The following ARHGAP32 variants were observed in gnomAD, a reference collection of about 807,000 sequenced individuals.
ARHGAP32 encodes rho GTPase-activating protein 32.
In ARHGAP32, 51 loss-of-function variants were observed where a neutral mutation model predicts 186.5. That is an observed-to-expected ratio of 0.27 (90% CI 0.22 to 0.35). The LOEUF (loss-of-function observed/expected upper bound fraction) is 0.35. ARHGAP32 is among the 10% of genes least tolerant of loss of function. The pLI is 1.00. For synonymous variants in ARHGAP32, 950 were observed against 964.3 expected, an observed-to-expected ratio of 0.99 and a Z score of 0.27; for missense variants, 2,186 against 2,623.5, an observed-to-expected ratio of 0.83 and a Z score of 3.64.
At chr11:129,099,419 G>C (rs1941827265) in intron 5 of ARHGAP32, among the ~76,000 whole-genome samples, 1 of 152,156 alleles carries the variant, frequency 6.6e-6, no homozygotes, top group African/African-American at 2.4e-5. Flanking sequence ...GATAGCTTGG[G>C]TGTATGGTAG....
intron 6 of ARHGAP32, among the ~76,000 whole-genome samples, chr11:129,087,794 G>T (rs1013966318): frequency 6.6e-6 from 1 of 152,198 alleles, no homozygotes; most frequent in Non-Finnish European, 1.5e-5. Context: ...TACCACTGTG[G>T]TGTGGGATGT....
At chr11:129,202,003 T>C (rs1236260332) in intron 1 of ARHGAP32, among the ~76,000 whole-genome samples, 1 of 152,032 alleles carries the variant, frequency 6.6e-6, no homozygotes, top group East Asian at 1.9e-4. Flanking sequence ...TCTGTCTGTC[T>C]GTGTCTCTAT....
chr11:128,989,874 T>C (rs1945997589), intron 12 of ARHGAP32, among the ~76,000 whole-genome samples: 1 of 152,150 alleles, frequency 6.6e-6, no homozygotes, highest in African/African-American at 2.4e-5. Flanking sequence ...TCCATGTCCC[T>C]GCAAAGGACA....
intron 1 of ARHGAP32, among the ~76,000 whole-genome samples, chr11:129,275,866 C>G (rs1945523726): frequency 6.6e-6 from 1 of 152,258 alleles, no homozygotes; most frequent in African/African-American, 2.4e-5. Context: ...CTGCAGGCTA[C>G]AGTTTGCCCA....
At chr11:129,270,746 C>T (rs1230644742) in intron 1 of ARHGAP32, among the ~76,000 whole-genome samples, 1 of 151,298 alleles carries the variant, frequency 6.6e-6, no homozygotes, top group African/African-American at 2.4e-5. Context: ...AAAAAAGGAA[C>T]ATCACTGAGA....
At chr11:128,984,657 A>G (rs1784017) in intron 15 of ARHGAP32, among the ~76,000 whole-genome samples, 16,953 of 152,210 alleles carry the variant, frequency 0.11, 1,216 homozygotes, top group Non-Finnish European at 0.15. Context: ...GGAGATATAC[A>G]TGTACATATT....
intron 13 of ARHGAP32, 82 bp from the exon 14 acceptor site, chr11:128,986,750 C>T (rs1945883774): frequency 4.4e-6 from 6 of 1,367,844 alleles, no homozygotes; most frequent in Admixed American, 3.9e-5. Context: ...GCATAAGCTC[C>T]AAAAGTGTTC....
At chr11:129,251,107 A>G (rs1463081036) in intron 1 of ARHGAP32, among the ~76,000 whole-genome samples, 1 of 152,224 alleles carries the variant, frequency 6.6e-6, no homozygotes, top group Non-Finnish European at 1.5e-5. Context: ...ACAATAGACA[A>G]GAAAGTAAAC....
At chr11:129,009,431 C>T (rs1027133811) in intron 11 of ARHGAP32, among the ~76,000 whole-genome samples, 4 of 152,120 alleles carry the variant, frequency 2.6e-5, no homozygotes, top group African/African-American at 9.7e-5. Flanking sequence ...ACAGATCATC[C>T]AATCACCTAG....
chr11:129,076,950 G>A (rs1941060721), intron 6 of ARHGAP32, among the ~76,000 whole-genome samples: 1 of 152,218 alleles, frequency 6.6e-6, no homozygotes, highest in African/African-American at 2.4e-5. Context: ...AGTGTGAAAG[G>A]GGGAAAGTCT....
At chr11:129,045,770 A>C (rs1030230113) in intron 10 of ARHGAP32, among the ~76,000 whole-genome samples, 2 of 152,206 alleles carry the variant, frequency 1.3e-5, no homozygotes, top group African/African-American at 4.8e-5. Flanking sequence ...AAGGGAGAGC[A>C]GAATTGGGTA....
chr11:128,971,636 A>G (rs1057450372), intron 22 of ARHGAP32: 1 of 154,992 alleles, frequency 6.5e-6, no homozygotes, highest in African/African-American at 2.4e-5. Flanking sequence ...GAAAGGCAAT[A>G]TTCAAATCAG....
intron 10 of ARHGAP32, among the ~76,000 whole-genome samples, chr11:129,046,319 T>C (rs1939803724): frequency 6.8e-6 from 1 of 147,790 alleles, no homozygotes; most frequent in Admixed American, 6.6e-5. Context: ...TTTAATACAA[T>C]TCATTTCATT....
chr11:129,096,521 C>G (rs911354651), intron 5 of ARHGAP32, among the ~76,000 whole-genome samples: 7 of 152,108 alleles, frequency 4.6e-5, no homozygotes, highest in Non-Finnish European at 7.4e-5. Flanking sequence ...CTCCCTATAC[C>G]CCCCCGGCCC....
intron 1 of ARHGAP32, among the ~76,000 whole-genome samples, chr11:129,256,469 T>C (rs763642033): frequency 2.0e-5 from 3 of 152,094 alleles, no homozygotes; most frequent in Non-Finnish European, 4.4e-5. Flanking sequence ...ATATAGATTA[T>C]GTAGCAAGAT....
chr11:129,144,496 G>C (rs1391143346), intron 2 of ARHGAP32, among the ~76,000 whole-genome samples: 4 of 152,078 alleles, frequency 2.6e-5, no homozygotes, highest in Non-Finnish European at 5.9e-5. Flanking sequence ...GTGCTAAATG[G>C]GGAATATTTC....
In ARHGAP32 at chr11:128,970,993, G is replaced by A. The variant is rs762708277; in HGVS notation, c.4220C>T (p.Pro1407Leu). Reference protein sequence around the residue: ...PEKVRDGARVPLLHLRAESVP... With the variant: ...PEKVRDGARVLLLHLRAESVP... Reference sequence around the variant, plus strand: ...AGACTCGGCGCGCAGGTGCAGCAGCGGGACCCGGGCACCGTCCCGCACTTT... The same window carrying A: ...AGACTCGGCGCGCAGGTGCAGCAGCAGGACCCGGGCACCGTCCCGCACTTT... Residue 1407 changes from proline to leucine, a missense_variant, in exon 23 of 23, where the codon CCG (proline) becomes CTG (leucine). Around this residue, in one of 5 missense-constraint regions of ARHGAP32, gnomAD observed 1,502 missense variants for 1,570.0 expected, o/e 0.96. Transcript: ENST00000682385. The surrounding 1 kb of genome is among the most constrained non-coding windows in gnomAD (Gnocchi z 5.8). 9.3e-6 allele frequency: 15 copies of A among 1,613,536 alleles called. No homozygotes were observed. The highest frequency in any genetic ancestry group is 1.3e-5 in the Non-Finnish European group (15 of 1,180,024).
At chr11:128,980,405 A>G in intron 18 of ARHGAP32, 148 bp downstream of exon 18, 1 of 551,308 alleles carries the variant, frequency 1.8e-6, no homozygotes, top group Non-Finnish European at 3.1e-6. Context: ...GGTAAGTATC[A>G]TCCATATTCG....
At chr11:129,170,857 C>A (rs1943745073) in intron 1 of ARHGAP32, among the ~76,000 whole-genome samples, 1 of 152,190 alleles carries the variant, frequency 6.6e-6, no homozygotes, top group South Asian at 2.1e-4. Flanking sequence ...TTAATAATCG[C>A]CATCCTGACT....
Sources: gnomAD v4.1 joint callset for allele counts (sites outside exome capture counted in the v4.1 genomes callset) on GRCh38, gnomAD v4.1.1 for gene constraint, gnomAD v4.1.1 regional missense constraint, Gnocchi (gnomAD v3.1) non-coding constraint, MANE v1.5 for transcripts, NCBI Gene and HGNC (gene_info 2026-07-23, HGNC 2026-07-21) for gene names.